PIK3C3: variants seen among roughly 807,000 people sequenced by gnomAD.
PIK3C3 encodes the protein PI3-kinase type 3.
PIK3C3 carries 95 observed loss-of-function variants against 126.1 expected under a neutral mutation model. The ratio of observed to expected loss-of-function variants is 0.75; its 90% CI spans 0.64 to 0.89. The LOEUF (loss-of-function observed/expected upper bound fraction) is 0.89, where lower values mean the gene tolerates loss of function less well. Ranked by LOEUF, PIK3C3 falls within the 40% of genes least tolerant of loss-of-function variation. The probability of loss-of-function intolerance (pLI) is 0.00; values close to 1 mark genes in which losing one functional copy is unlikely to be tolerated. For synonymous variants in PIK3C3, 374 were observed against 360.0 expected (o/e 1.04, Z -0.44); for missense variants, 829 against 1,063.2 (o/e 0.78, Z 3.06).
At chr18:42,075,801 A>C (rs1985949635) in intron 24 of PIK3C3, among the ~76,000 whole-genome samples, 1 of 150,104 alleles carries the variant, frequency 6.7e-6, no homozygotes, top group African/African-American at 2.4e-5. Context: ...AGCCCTTACC[A>C]AGAAAGTCAG....
intron 16 of PIK3C3, 127 bp downstream of exon 16, chr18:42,034,084 C>A: frequency 1.8e-6 from 1 of 563,236 alleles, no homozygotes; most frequent in Non-Finnish European, 2.9e-6. Flanking sequence ...TTAGTAAATG[C>A]TAGATTGAAG....
chr18:42,048,881 C>A (rs1567999947), intron 20 of PIK3C3, among the ~76,000 whole-genome samples: 1 of 152,060 alleles, frequency 6.6e-6, no homozygotes, highest in Non-Finnish European at 1.5e-5. Context: ...GTTAAAAAAA[C>A]AAACTCCAAA....
In PIK3C3 at chr18:42,087,405, T is replaced by G. The variant is rs919359582; in HGVS notation, c.*6268T>G. ...TCGCCCCACCCTAATCTTATGCAAA[T>G]GGGCTTTCCAGTTGATTGGGTCCAT... is the stretch of plus-strand genomic sequence containing the variant. On this transcript the variant is annotated 3_prime_UTR_variant, in exon 25 of 25. Coordinates refer to ENST00000262039, the MANE Select transcript of PIK3C3 (RefSeq NM_002647.4). 8 of 152,166 alleles carry G rather than the reference T, an allele frequency of 5.3e-5. No individual in the cohort carries two copies. Among genetic ancestry groups the G allele is most frequent in the Non-Finnish European group, 1.0e-4 (7 of 68,052 alleles). The allele number at this position is 152,166 out of a possible 1,614,324, so 9.4% of individuals were successfully genotyped here. A position where few individuals can be genotyped will look rare whatever the true frequency, so the allele number is the denominator to read the frequency against.
intron 8 of PIK3C3, 141 bp downstream of exon 8, chr18:41,996,135 A>T (rs1313521970): frequency 7.7e-6 from 5 of 650,818 alleles, no homozygotes; most frequent in Non-Finnish European, 1.4e-5. Context: ...TCATAATTTC[A>T]CAGATCAGCA....
intron 2 of PIK3C3, among the ~76,000 whole-genome samples, chr18:41,961,413 C>G (rs1980078828): frequency 6.6e-6 from 1 of 152,134 alleles, no homozygotes; most frequent in African/African-American, 2.4e-5. Flanking sequence ...GTAGTAGATA[C>G]TGGCTTTCTT....
chr18:42,078,862 C>T (rs1226957807), intron 24 of PIK3C3, among the ~76,000 whole-genome samples: 1 of 152,190 alleles, frequency 6.6e-6, no homozygotes, highest in African/African-American at 2.4e-5. Context: ...TCTGCAACTT[C>T]CTCATCTTTC....
chr18:42,000,736 T>C (rs1982247428), intron 9 of PIK3C3, among the ~76,000 whole-genome samples: 1 of 152,160 alleles, frequency 6.6e-6, no homozygotes, highest in South Asian at 2.1e-4. Flanking sequence ...CTTACGTGGA[T>C]GGCAGCAAGC....
rs1303393993 is a variant in PIK3C3 at position 42,081,775 on chromosome 18, C to T, written c.*638C>T. ...TTTTTGTAAACTACAGTTAATAGTT[C>T]TTCTAGCTTGTAAGTGTGTAAAGTA... On this transcript the variant is annotated 3_prime_UTR_variant, in exon 25 of 25. Transcript: ENST00000262039. 1 of 152,138 alleles carries T rather than the reference C, an allele frequency of 6.6e-6. No individual in the cohort carries two copies. The highest frequency in any genetic ancestry group is 2.1e-4 in the South Asian group (1 of 4,834). The allele number at this position is 152,138 out of a possible 1,614,324, so 9.4% of individuals were successfully genotyped here.
intron 22 of PIK3C3, chr18:42,059,651 A>G (rs1052438139): frequency 6.6e-6 from 1 of 152,224 alleles, no homozygotes; most frequent in Non-Finnish European, 1.5e-5. Context: ...TCCTTGCTAC[A>G]AAGAAAAGCC....
At chr18:42,057,065 C>CCCCG (rs1555640564) in intron 21 of PIK3C3, among the ~76,000 whole-genome samples, 2 of 142,394 alleles carry the variant, frequency 1.4e-5, no homozygotes, top group African/African-American at 5.1e-5. Context: ...TGAACCCCCC[C>CCCCG]CCCCGTGTTG....
At chr18:42,000,161 C>A (rs558107852) in intron 9 of PIK3C3, among the ~76,000 whole-genome samples, 3 of 152,142 alleles carry the variant, frequency 2.0e-5, no homozygotes, top group African/African-American at 7.2e-5. Context: ...TCAAGTGATT[C>A]TCCTGTCTCA....
intron 13 of PIK3C3, 78 bp downstream of exon 13, chr18:42,020,783 G>A: frequency 1.3e-6 from 1 of 796,170 alleles, no homozygotes; most frequent in Non-Finnish European, 2.1e-6. Context: ...ACACAAAGAT[G>A]ATTTAAAATA....
chr18:42,050,700 T>TA (rs1984764327), intron 21 of PIK3C3: 1 of 152,264 alleles, frequency 6.6e-6, no homozygotes, highest in South Asian at 2.1e-4. Flanking sequence ...TCTTCATTTT[T>TA]ACTACTTTGA....
chr18:42,019,180 G>A lies in PIK3C3; in HGVS notation c.1417-1458G>A, dbSNP rs146269863. On this transcript the variant is annotated intron_variant, in intron 12 of 24. Coordinates refer to ENST00000262039, the MANE Select transcript of PIK3C3 (RefSeq NM_002647.4). ...TGTTTTCTTACACAGAAGAAACATA[G>A]CTCTCTTCAAAGATGTGTTATTTTC... 2.2e-3 allele frequency among the ~76,000 whole-genome samples: 338 copies of A among 152,168 alleles called. 1 individual carries two copies. Among genetic ancestry groups the A allele is most frequent in the African/African-American group, 7.5e-3 (311 of 41,536 alleles).
rs764808247 is a variant in PIK3C3, at chr18:42,076,628, C to G, written c.2650-4495C>G. Among the ~76,000 whole-genome samples, 28 of 152,242 alleles carry G rather than the reference C, an allele frequency of 1.8e-4. No homozygotes were observed. The Middle Eastern group carries it at 0.01, about 55-fold the overall frequency. ...AAAAAACAAAGAATACAGGCACTTGCTATATGACAAATGTTTGCAGCTTGT... is the reference window on the plus strand; with the variant it reads ...AAAAAACAAAGAATACAGGCACTTGGTATATGACAAATGTTTGCAGCTTGT... On this transcript the variant is annotated intron_variant, in intron 24 of 24. Transcript: ENST00000262039.
intron 21 of PIK3C3, among the ~76,000 whole-genome samples, chr18:42,051,969 TATA>T (rs536538022): frequency 1.7e-3 from 251 of 151,178 alleles, no homozygotes; most frequent in Admixed American, 4.0e-3. Context: ...AAACTTAAAG[TATA>T]ATAATAATAA....
intron 20 of PIK3C3, among the ~76,000 whole-genome samples, chr18:42,045,086 C>T (rs556410200): frequency 1.3e-5 from 2 of 152,056 alleles, no homozygotes; most frequent in East Asian, 1.9e-4. Context: ...GTCTGAAAAG[C>T]AGAAAGAAAA....
At chr18:41,992,016 A>G (rs989652365) in intron 6 of PIK3C3, among the ~76,000 whole-genome samples, 1 of 152,224 alleles carries the variant, frequency 6.6e-6, no homozygotes, top group African/African-American at 2.4e-5. Context: ...GGTACTTTCA[A>G]ACACTGGAGA....
chr18:42,075,793 C>T (rs1985949331), intron 24 of PIK3C3, among the ~76,000 whole-genome samples: 1 of 149,834 alleles, frequency 6.7e-6, no homozygotes, highest in Admixed American at 6.6e-5. Context: ...GCTGCATTAG[C>T]CCTTACCAAG....
Sources: gnomAD v4.1 joint callset for allele counts (sites outside exome capture counted in the v4.1 genomes callset) on GRCh38, gnomAD v4.1.1 for gene constraint, MANE v1.5 for transcripts, NCBI Gene and HGNC (gene_info 2026-07-23, HGNC 2026-07-21) for gene names.